Variants in JMJD6 observed in about 807,000 individuals in gnomAD.
JMJD6 encodes the protein jumonji domain containing 6, arginine demethylase and lysine hydroxylase.
JMJD6 carries 17 observed loss-of-function variants against 45.8 expected under a neutral mutation model. The observed-to-expected ratio is 0.37, with a 90% CI of 0.25 to 0.56. The LOEUF is 0.56. Among genes scored for constraint, JMJD6 ranks in the 20% least tolerant of loss-of-function variants. The pLI is 0.79. For missense variants in JMJD6, 470 were observed against 517.5 expected (o/e 0.91, Z 0.89); for synonymous variants, 221 against 196.3 (o/e 1.13, Z -1.05).
intron 4 of JMJD6, 100 bp downstream of exon 4, chr17:76,721,698 T>C (rs2076826855): frequency 1.5e-6 from 2 of 1,338,266 alleles, no homozygotes; most frequent in Non-Finnish European, 2.1e-6. Context: ...TGCCCAGGCC[T>C]GTGTACGATC....
intron 3 of JMJD6, among the ~76,000 whole-genome samples, chr17:76,722,833 G>A (rs1363268406): frequency 8.0e-5 from 7 of 88,004 alleles, no homozygotes; most frequent in East Asian, 3.9e-4. Context: ...GTGACAGAGC[G>A]AGACTTGGTC....
At chr17:76,723,182 G>C (rs1263201786) in intron 3 of JMJD6, among the ~76,000 whole-genome samples, 2 of 151,942 alleles carry the variant, frequency 1.3e-5, no homozygotes, top group Non-Finnish European at 2.9e-5. Flanking sequence ...CCGACCTCAA[G>C]TGATCCACCC....
rs762289207 is a variant in JMJD6 at position 76,725,420 on chromosome 17, A to AG, written c.518+46_518+47insC. ...ACGCTCTGTCTCAAAAAAAAAAAAA[A>AG]AAAAAAAAGAAAAGGATTTTAACCA... On this transcript the variant is annotated intron_variant, in intron 2 of 5. Coordinates refer to ENST00000397625, the MANE Select transcript of JMJD6 (RefSeq NM_015167.3). 34 of 1,487,718 alleles carry AG rather than the reference A, an allele frequency of 2.3e-5. No individual in the cohort carries two copies. In the East Asian group the frequency reaches 4.0e-4, roughly 18 times the overall value. The allele number at this position is 1,487,718 out of a possible 1,614,324, so 92.2% of individuals were successfully genotyped here. A position where few individuals can be genotyped will look rare whatever the true frequency, so the allele number is the denominator to read the frequency against.
At position 76,723,788 on chromosome 17, in the gene JMJD6, C is replaced by A; in HGVS notation, c.789G>T (p.Glu263Asp). 6.2e-7 allele frequency: 1 copy of A among 1,614,092 alleles called. No individual in the cohort carries two copies. Residue 263 changes from glutamate (E) to aspartate (D), a missense_variant, in exon 3 of 6, where the codon GAG becomes GAT. Coordinates refer to ENST00000397625, the MANE Select transcript of JMJD6 (RefSeq NM_015167.3). ...KPLEILQKPGETVFVPGGWWH... is the reference protein window; with the variant it reads ...KPLEILQKPGDTVFVPGGWWH... ...CATCTATACCTGGTACAAAGACAGTCTCTCCTGGTTTTTGTAAGATTTCCA... is the reference window on the plus strand; with the variant it reads ...CATCTATACCTGGTACAAAGACAGTATCTCCTGGTTTTTGTAAGATTTCCA...
At position 76,721,866 on chromosome 17, in the gene JMJD6, G is replaced by T; in HGVS notation, c.873C>A (p.Ser291Arg). ...TIAITQNFAS[S>R]TNFPVVWHKT... ...TGTGCCATACCACAGGGAAGTTGGTGCTGCTGGCAAAATTTTGGGTGATGG... is the reference window on the plus strand; with the variant it reads ...TGTGCCATACCACAGGGAAGTTGGTTCTGCTGGCAAAATTTTGGGTGATGG... Residue 291 changes from serine (S) to arginine (R), a missense_variant, in exon 4 of 6, where the codon AGC becomes AGA. Ser to Arg is a moderately radical substitution (Grantham distance 110). Transcript: ENST00000397625. 1 of 1,614,144 alleles carries T rather than the reference G, an allele frequency of 6.2e-7. No individual in the cohort carries two copies. The highest frequency in any genetic ancestry group is 8.5e-7 in the Non-Finnish European group (1 of 1,179,992).
chr17:76,721,389 G>A, intron 4 of JMJD6: 1 of 382,442 alleles, frequency 2.6e-6, no homozygotes, highest in Non-Finnish European at 5.5e-6. Flanking sequence ...AGTCTCCAGG[G>A]CAGTCACCTC....
intron 2 of JMJD6, among the ~76,000 whole-genome samples, chr17:76,724,262 C>T (rs1299293409): frequency 1.3e-5 from 2 of 151,818 alleles, no homozygotes; most frequent in Admixed American, 6.6e-5. Context: ...GCTGGGATTA[C>T]CGACGCACAC....
At chr17:76,725,425 A>G (rs996131464) in intron 2 of JMJD6, 42 bp downstream of exon 2, 24 of 1,511,860 alleles carry the variant, frequency 1.6e-5, no homozygotes, top group Middle Eastern at 1.9e-4. Context: ...AAAAAAAAAA[A>G]AAAGAAAAGG....
rs751120995 is a variant in JMJD6 at position 76,725,874 on chromosome 17, A to G, written c.130-19T>C. The G allele has an allele frequency of 3.2e-6, 5 of 1,562,446 alleles. No homozygotes were observed. The highest frequency in any genetic ancestry group is 4.3e-6 in the Non-Finnish European group (5 of 1,163,594). Reference sequence around the variant, plus strand: ...CGTTATCCTGAGGGAATTAAAAAAGACCTGTCCAGTTAAAAAAAAAAAAAA... The same window carrying G: ...CGTTATCCTGAGGGAATTAAAAAAGGCCTGTCCAGTTAAAAAAAAAAAAAA... On this transcript the variant is annotated intron_variant, in intron 1 of 5. Transcript: ENST00000397625.
Position 76,720,345 on chromosome 17 carries a change from A to G in JMJD6, c.1080+15T>C. ...CTTGGAGGCTCCAGGAGTCAGCCAGAGAGCAAGGCCTCACCTCTGAGTCGG... is the reference window on the plus strand; with the variant it reads ...CTTGGAGGCTCCAGGAGTCAGCCAGGGAGCAAGGCCTCACCTCTGAGTCGG... On this transcript the variant is annotated intron_variant, in intron 5 of 5. Coordinates refer to ENST00000397625, the MANE Select transcript of JMJD6 (RefSeq NM_015167.3). 6.2e-7 allele frequency: 1 copy of G among 1,613,438 alleles called. No homozygotes were observed. Among genetic ancestry groups the G allele is most frequent in the Non-Finnish European group, 8.5e-7 (1 of 1,179,532 alleles).
chr17:76,721,096 G>C (rs1184323819), intron 4 of JMJD6: 2 of 178,864 alleles, frequency 1.1e-5, no homozygotes, highest in East Asian at 2.7e-4. Context: ...AAGACCTGTT[G>C]TATCATAAGG....
In JMJD6 at chr17:76,718,689, C is replaced by A. The variant is rs369523617; in HGVS notation, c.*40G>T. On this transcript the variant is annotated 3_prime_UTR_variant, in exon 6 of 6. Coordinates refer to ENST00000397625, the MANE Select transcript of JMJD6 (RefSeq NM_015167.3). ...CACCCTCCCCAGGCCCTGCCCTTGC[C>A]GCGAGCGTGTCCTTCCATACAGACA... is the stretch of plus-strand genomic sequence containing the variant. The A allele has an allele frequency of 1.9e-6, 3 of 1,603,028 alleles. No homozygotes were observed. The Admixed American group carries it at 5.1e-5, about 27-fold the overall frequency.
chr17:76,713,692 T>G (rs1443927103), downstream of JMJD6: 2 of 152,194 alleles, frequency 1.3e-5, no homozygotes, highest in Non-Finnish European at 2.9e-5. Flanking sequence ...CATCCTATAC[T>G]CGTCTAAAGT....
chr17:76,721,124 T>C (rs894770410), intron 4 of JMJD6: 13 of 209,926 alleles, frequency 6.2e-5, no homozygotes, highest in African/African-American at 2.7e-4. Context: ...TGTGACCAAA[T>C]CACAGCACGC....
At position 76,723,778 on chromosome 17, in the gene JMJD6, C is replaced by G. The variant is rs745753525; in HGVS notation, c.799G>C (p.Val267Leu). ...ILQKPGETVF[V>L]PGGWWHVVLN... is the part of the protein sequence containing the mutation. ...TCTTCCAGTTCATCTATACCTGGTACAAAGACAGTCTCTCCTGGTTTTTGT... is the reference window on the plus strand; with the variant it reads ...TCTTCCAGTTCATCTATACCTGGTAGAAAGACAGTCTCTCCTGGTTTTTGT... The change falls in exon 3 of 6, where the codon GTA (valine) becomes CTA (leucine). Residue 267 changes from valine (V) to leucine (L), a missense_variant. Val to Leu is a conservative substitution (Grantham distance 32, BLOSUM62 1). This residue lies in a region of JMJD6 where 346 missense variants were observed against 339.5 expected (regional missense o/e 1.02). Transcript: ENST00000397625. 6.2e-7 allele frequency: 1 copy of G among 1,614,010 alleles called. No homozygotes were observed. Among genetic ancestry groups the G allele is most frequent in the Non-Finnish European group, 8.5e-7 (1 of 1,179,904 alleles).
At chr17:76,717,904 T>C (rs569571187), downstream of JMJD6, among the ~76,000 whole-genome samples, 12 of 151,690 alleles carry the variant, frequency 7.9e-5, no homozygotes, top group East Asian at 9.7e-4. Context: ...GGCAGGAAAA[T>C]TGCTTGAACC....
At chr17:76,717,049 C>A (rs937417392), downstream of JMJD6, among the ~76,000 whole-genome samples, 4 of 152,100 alleles carry the variant, frequency 2.6e-5, no homozygotes. Flanking sequence ...TTCAGCTAAA[C>A]CACAGAGAAT....
chr17:76,726,528 G>C lies in JMJD6; in HGVS notation c.-53C>G. ...ACGACCTCGGCGCAGCCCGCTTCCT[G>C]ACACTAACGCACCCCTCCCCGGCCT... On this transcript the variant is annotated 5_prime_UTR_variant, in exon 1 of 6. Transcript: ENST00000397625. 6.4e-7 allele frequency: 1 copy of C among 1,552,854 alleles called. No individual in the cohort carries two copies. The highest frequency in any genetic ancestry group is 1.2e-5 in the South Asian group (1 of 85,002).
chr17:76,724,104 C>A, intron 2 of JMJD6, 46 bp from the exon 3 acceptor site: 3 of 1,581,218 alleles, frequency 1.9e-6, no homozygotes, highest in Middle Eastern at 1.7e-4. Flanking sequence ...TTTACTTACA[C>A]ACATACCACA....
Sources: gnomAD v4.1 joint callset for allele counts (sites outside exome capture counted in the v4.1 genomes callset) on GRCh38, gnomAD v4.1.1 for gene constraint, gnomAD v4.1.1 regional missense constraint, MANE v1.5 for transcripts, NCBI Gene and HGNC (gene_info 2026-07-23, HGNC 2026-07-21) for gene names.